Variants in DOCK4 observed in about 807,000 individuals in gnomAD.
DOCK4 encodes dedicator of cytokinesis protein 4.
A neutral mutation model predicts 268.1 loss-of-function variants in DOCK4; 97 were observed. The observed-to-expected ratio is 0.36, with a 90% CI of 0.31 to 0.43. DOCK4 has a LOEUF of 0.43. Among genes scored for constraint, DOCK4 ranks in the 20% least tolerant of loss-of-function variants. DOCK4 has a pLI of 1.00. For missense variants in DOCK4, 2,145 were observed against 2,455.7 expected (o/e 0.87, Z 2.67); for synonymous variants, 954 against 887.2 (o/e 1.08, Z -1.34).
intron 12 of DOCK4, among the ~76,000 whole-genome samples, chr7:111,923,107 C>CA (rs1185775816): frequency 3.9e-5 from 6 of 152,128 alleles, no homozygotes; most frequent in Non-Finnish European, 7.4e-5. Flanking sequence ...ACAGTAACCA[C>CA]AAAAAACAAT....
intron 22 of DOCK4, among the ~76,000 whole-genome samples, chr7:111,866,802 G>A (rs550830248): frequency 1.1e-4 from 17 of 152,338 alleles, no homozygotes; most frequent in African/African-American, 3.6e-4. Context: ...AGGGTAAAAA[G>A]AAAAATCTCA....
chr7:112,000,493 C>A lies in DOCK4; in HGVS notation c.162+1G>T. 2.0e-6 allele frequency: 3 copies of A among 1,495,216 alleles called. No individual in the cohort carries two copies. The highest frequency in any genetic ancestry group is 4.7e-5 in the East Asian group (2 of 42,278). 92.6% of individuals were successfully genotyped at this position (1,495,216 alleles called of 1,614,324 possible). On this transcript the variant is annotated splice_donor_variant, in intron 3 of 52. Transcript: ENST00000428084. LOFTEE classifies it high-confidence loss of function. ...TTATAGTTAGAAATAACAATTTTTACCTTGATATTTGGGTTTTTTAAGGCA... is the reference window on the plus strand; with the variant it reads ...TTATAGTTAGAAATAACAATTTTTAACTTGATATTTGGGTTTTTTAAGGCA...
intron 1 of DOCK4, among the ~76,000 whole-genome samples, chr7:112,198,886 T>G (rs1820687101): frequency 6.6e-6 from 1 of 152,250 alleles, no homozygotes; most frequent in Non-Finnish European, 1.5e-5. Context: ...CATTTCATGA[T>G]TGTCTGATGC....
At chr7:111,895,895 C>T (rs549020152) in intron 15 of DOCK4, among the ~76,000 whole-genome samples, 177 bp from the exon 16 acceptor site, 5 of 152,284 alleles carry the variant, frequency 3.3e-5, no homozygotes, top group African/African-American at 1.2e-4. Context: ...TCCCCTCTTC[C>T]TGCCCCCTTA....
Position 111,745,683 on chromosome 7 carries a change from TAAAAA to T in DOCK4, c.4677+646_4677+650del, listed in dbSNP as rs781530065. ...TGGGTGACAGAGGGAGACTCCGTCTTAAAAAAAAAAAAAAAAAAAAAAAAAAAGTT... is the reference window on the plus strand; with the variant it reads ...TGGGTGACAGAGGGAGACTCCGTCTTAAAAAAAAAAAAAAAAAAAAAAGTT... On this transcript the variant is annotated intron_variant, in intron 44 of 52. Coordinates refer to ENST00000428084, the MANE Select transcript of DOCK4 (RefSeq NM_001363540.2). 5.2e-4 allele frequency among the ~76,000 whole-genome samples: 26 copies of T among 49,614 alleles called. 1 individual carries two copies. Among genetic ancestry groups the T allele is most frequent in the Admixed American group, 1.1e-3 (3 of 2,776 alleles). 32.5% of individuals were successfully genotyped at this position (49,614 alleles called of 152,430 possible).
At chr7:112,189,898 T>A (rs958405633) in intron 1 of DOCK4, among the ~76,000 whole-genome samples, 1 of 152,080 alleles carries the variant, frequency 6.6e-6, no homozygotes, top group African/African-American at 2.4e-5. Flanking sequence ...GTTTTTTCAA[T>A]GGCAATTTTA....
chr7:111,892,020 A>G (rs1808325682), intron 16 of DOCK4, among the ~76,000 whole-genome samples: 2 of 152,178 alleles, frequency 1.3e-5, no homozygotes, highest in African/African-American at 4.8e-5. Flanking sequence ...TCAGTTTGAA[A>G]TGTGTTTCAG....
chr7:111,858,335 T>C (rs1413844801), intron 23 of DOCK4, among the ~76,000 whole-genome samples: 1 of 152,230 alleles, frequency 6.6e-6, no homozygotes, highest in Admixed American at 6.5e-5. Flanking sequence ...TGATGGTTAA[T>C]TTTAATGTGT....
intron 26 of DOCK4, among the ~76,000 whole-genome samples, chr7:111,830,931 T>C (rs141184373): frequency 2.2e-4 from 33 of 152,212 alleles, no homozygotes; most frequent in Admixed American, 7.2e-4. Context: ...GCAGGCACTG[T>C]TTATCACGCC....
intron 1 of DOCK4, among the ~76,000 whole-genome samples, chr7:112,035,879 T>A (rs519247): frequency 1.3e-5 from 2 of 152,054 alleles, no homozygotes; most frequent in Non-Finnish European, 2.9e-5. Flanking sequence ...AACATAATTT[T>A]TAAAAAATCG....
At chr7:112,142,256 T>C (rs369025073) in intron 1 of DOCK4, among the ~76,000 whole-genome samples, 3 of 152,084 alleles carry the variant, frequency 2.0e-5, no homozygotes, top group African/African-American at 7.2e-5. Context: ...CCTGGCAGAG[T>C]ATAGGGCCAC....
At chr7:111,821,004 A>G (rs1801931478) in intron 27 of DOCK4, 1 of 151,848 alleles carries the variant, frequency 6.6e-6, no homozygotes, top group African/African-American at 2.4e-5. Context: ...CAAACTAAAT[A>G]TGTTAAATTC....
chr7:112,159,606 G>C lies in DOCK4; in HGVS notation c.37+46496C>G, dbSNP rs150549044. On this transcript the variant is annotated intron_variant, in intron 1 of 52. Transcript: ENST00000428084. ...ACAGTTGTCTCCCTGACAAGGATGTGTCACGTTCCGTCCAAGTCTTATCCA... is the reference window on the plus strand; with the variant it reads ...ACAGTTGTCTCCCTGACAAGGATGTCTCACGTTCCGTCCAAGTCTTATCCA... Among the ~76,000 whole-genome samples the C allele has an allele frequency of 8.6e-4, 131 of 152,074 alleles. 1 individual carries two copies. The highest frequency in any genetic ancestry group is 3.1e-3 in the African/African-American group (130 of 41,482).
At chr7:112,038,256 C>T (rs1586695885) in intron 1 of DOCK4, among the ~76,000 whole-genome samples, 1 of 152,194 alleles carries the variant, frequency 6.6e-6, no homozygotes, top group Admixed American at 6.5e-5. Flanking sequence ...ATGAGTACAT[C>T]TCATTTTTTA....
At chr7:111,994,006 A>G in intron 5 of DOCK4, 129 bp downstream of exon 5, 1 of 527,956 alleles carries the variant, frequency 1.9e-6, no homozygotes, top group South Asian at 3.4e-5. Flanking sequence ...TGTCTTGTTA[A>G]TATCTATATC....
chr7:111,761,590 T>G (rs578190197), intron 39 of DOCK4, among the ~76,000 whole-genome samples: 1 of 152,226 alleles, frequency 6.6e-6, no homozygotes, highest in Non-Finnish European at 1.5e-5. Context: ...TTTCTCTGTT[T>G]TTCCGCTCTA....
chr7:111,746,025 C>A (rs777961779), intron 44 of DOCK4, among the ~76,000 whole-genome samples: 4 of 152,214 alleles, frequency 2.6e-5, no homozygotes, highest in Non-Finnish European at 5.9e-5. Flanking sequence ...TGGGTCCCTC[C>A]CCCAAGATAT....
At chr7:111,745,331 A>C (rs764990622) in intron 44 of DOCK4, among the ~76,000 whole-genome samples, 3 of 152,176 alleles carry the variant, frequency 2.0e-5, no homozygotes, top group Non-Finnish European at 4.4e-5. Flanking sequence ...TAAAAATTTC[A>C]TTCATGCCTC....
chr7:111,819,215 T>G (rs181915499), intron 27 of DOCK4, among the ~76,000 whole-genome samples: 1 of 152,278 alleles, frequency 6.6e-6, no homozygotes, highest in Admixed American at 6.5e-5. Context: ...TAAGCAAGTG[T>G]GTTATAAGGT....
Sources: allele counts gnomAD v4.1 joint callset (sites outside exome capture counted in the v4.1 genomes callset), GRCh38; gene constraint gnomAD v4.1.1; transcripts MANE v1.5; gene names NCBI Gene and HGNC (gene_info 2026-07-23, HGNC 2026-07-21).